Variants in LY75 observed in about 807,000 individuals in gnomAD.
The protein encoded by LY75 is lymphocyte antigen 75, also known as C-type lectin domain family 13 member B.
In LY75, 185 loss-of-function variants were observed where a neutral mutation model predicts 231.7. The observed-to-expected ratio is 0.80, with a 90% CI of 0.71 to 0.90. The LOEUF (loss-of-function observed/expected upper bound fraction) is 0.90. Ranked by LOEUF, LY75 falls within the 40% of genes least tolerant of loss-of-function variation. LY75 has a pLI of 0.00. For missense variants in LY75, 1,947 were observed against 2,050.2 expected (o/e 0.95, Z 0.97); for synonymous variants, 668 against 689.0 (o/e 0.97, Z 0.48).
chr2:159,876,900 T>C (rs897330767), intron 11 of LY75, among the ~76,000 whole-genome samples: 1 of 149,344 alleles, frequency 6.7e-6, no homozygotes, highest in African/African-American at 2.5e-5. Flanking sequence ...TCCCAGCTAC[T>C]TGGGAGGCTG....
rs1477197052 is a variant in LY75, at chr2:159,819,936, T to TTG, written c.3959-17_3959-16insCA. The TTG allele has an allele frequency of 6.3e-7, 1 of 1,577,336 alleles. No individual in the cohort carries two copies. The highest frequency in any genetic ancestry group is 8.6e-7 in the Non-Finnish European group (1 of 1,166,640). On this transcript the variant is annotated splice_polypyrimidine_tract_variant and intron_variant, in intron 28 of 34. Coordinates refer to ENST00000263636, the MANE Select transcript of LY75 (RefSeq NM_002349.4). ...AGAGACTTATCTAGAGAAGAAACATTTTTTCCTATGCTTAGAGATTAAATC... is the reference window on the plus strand; with the variant it reads ...AGAGACTTATCTAGAGAAGAAACATTTGTTTTCCTATGCTTAGAGATTAAATC...
chr2:159,858,534 C>G (rs1684609730), intron 15 of LY75, 58 bp from the exon 16 acceptor site: 14 of 1,539,798 alleles, frequency 9.1e-6, no homozygotes, highest in Non-Finnish European at 1.2e-5. Flanking sequence ...TTATGGAACA[C>G]TAAACTGTAA....
rs748844651 is a variant in LY75, at chr2:159,881,109, G to T, written c.1378C>A (p.Pro460Thr). The change falls in exon 8 of 35, where the codon CCC (proline) becomes ACC (threonine). Residue 460 changes from proline to threonine, a missense_variant. Transcript: ENST00000263636. The stretch of plus-strand genomic sequence containing the variant: ...TCTCCTAAGTAGGAAACACAGTTGG[G>T]CGTCTTATTGTAGGGAACATTTGGC... ...NEPNVPYNKTPNCVSYLGELG... is the reference protein window; with the variant it reads ...NEPNVPYNKTTNCVSYLGELG... The T allele has an allele frequency of 6.2e-7, 1 of 1,613,776 alleles. No individual in the cohort carries two copies. Among genetic ancestry groups the T allele is most frequent in the Non-Finnish European group, 8.5e-7 (1 of 1,179,850 alleles).
intron 24 of LY75, 85 bp downstream of exon 24, chr2:159,842,160 C>A: frequency 6.8e-7 from 1 of 1,475,414 alleles, no homozygotes; most frequent in Non-Finnish European, 9.0e-7. Context: ...TCCCCTCCCT[C>A]CCTATAGAAA....
intron 31 of LY75, 28 bp from the exon 32 acceptor site, chr2:159,810,703 C>A (rs1375470627): frequency 1.3e-6 from 2 of 1,597,442 alleles, no homozygotes; most frequent in Admixed American, 1.8e-5. Context: ...ACAGTTGTAA[C>A]AATGCATGGA....
At chr2:159,814,113 T>C (rs1001364715) in intron 31 of LY75, 2 of 152,188 alleles carry the variant, frequency 1.3e-5, no homozygotes, top group African/African-American at 4.8e-5. Context: ...ATGGTGAGCA[T>C]TGAGAACCAG....
At chr2:159,890,516 C>T in intron 3 of LY75, 139 bp from the exon 4 acceptor site, 1 of 1,193,890 alleles carries the variant, frequency 8.4e-7, no homozygotes. Context: ...TCATTTAGAC[C>T]ATATTTTGAT....
intron 16 of LY75, among the ~76,000 whole-genome samples, chr2:159,857,517 C>T (rs1684582159): frequency 6.6e-6 from 1 of 152,034 alleles, no homozygotes; most frequent in South Asian, 2.1e-4. Context: ...TGAGGCGGGC[C>T]AATCACCTGA....
intron 13 of LY75, among the ~76,000 whole-genome samples, chr2:159,868,500 T>C (rs1574573106): frequency 1.3e-5 from 2 of 152,340 alleles, no homozygotes; most frequent in East Asian, 3.9e-4. Context: ...CTCATTTTTA[T>C]ATTTTCCAAA....
chr2:159,893,318 A>G (rs978956128), intron 3 of LY75, among the ~76,000 whole-genome samples: 1 of 151,512 alleles, frequency 6.6e-6, no homozygotes, highest in African/African-American at 2.4e-5. Flanking sequence ...TGACCAATCC[A>G]CTCTTCGGTT....
Position 159,815,125 on chromosome 2 carries a change from T to C in LY75, c.4549+280A>G, listed in dbSNP as rs375009319. Among the ~76,000 whole-genome samples, 38 of 151,896 alleles carry C rather than the reference T, an allele frequency of 2.5e-4. No individual in the cohort carries two copies. In the East Asian group the frequency reaches 3.3e-3, roughly 13 times the overall value. ...ACGCCATTCTCCCGCCTCAGCCTCCTGACTAGCTGGGACTACAGGCGCCCG... is the reference window on the plus strand; with the variant it reads ...ACGCCATTCTCCCGCCTCAGCCTCCCGACTAGCTGGGACTACAGGCGCCCG... On this transcript the variant is annotated intron_variant, in intron 31 of 34. Transcript: ENST00000263636.
At chr2:159,836,472 T>C (rs1370998051) in intron 25 of LY75, among the ~76,000 whole-genome samples, 1 of 152,172 alleles carries the variant, frequency 6.6e-6, no homozygotes, top group Non-Finnish European at 1.5e-5. Flanking sequence ...AGGAGATGGA[T>C]TGTGGGGTAC....
rs1416177170 is a variant in LY75 at position 159,904,742 on chromosome 2, T to A, written c.-60A>T. On this transcript the variant is annotated 5_prime_UTR_variant, in exon 1 of 35. Transcript: ENST00000263636. ...GGGCGCACGCGGCTCCCGCCCCGCCTGCTGAGCGCGGCCTGCCCCGCCCGC... is the reference window on the plus strand; with the variant it reads ...GGGCGCACGCGGCTCCCGCCCCGCCAGCTGAGCGCGGCCTGCCCCGCCCGC... 2.2e-6 allele frequency: 3 copies of A among 1,352,956 alleles called. No homozygotes were observed. The highest frequency in any genetic ancestry group is 2.8e-6 in the Non-Finnish European group (3 of 1,055,810). 83.8% of individuals were successfully genotyped at this position (1,352,956 alleles called of 1,614,324 possible).
chr2:159,853,148 A>C, intron 20 of LY75, 125 bp downstream of exon 20: 1 of 990,118 alleles, frequency 1.0e-6, no homozygotes, highest in Non-Finnish European at 1.5e-6. Context: ...TGTTGCTAAT[A>C]ATAAATCAGA....
chr2:159,842,185 C>CTA (rs1280109685), intron 24 of LY75, 60 bp downstream of exon 24: 236 of 1,528,420 alleles, frequency 1.5e-4, no homozygotes, highest in East Asian at 1.2e-3. Flanking sequence ...CTCTCTCTCT[C>CTA]TCTATATATA....
At chr2:159,836,305 T>C (rs1210309024) in intron 25 of LY75, among the ~76,000 whole-genome samples, 1 of 152,182 alleles carries the variant, frequency 6.6e-6, no homozygotes, top group Non-Finnish European at 1.5e-5. Flanking sequence ...GGTGGTTCCC[T>C]TCCTCTGAAC....
At chr2:159,825,900 A>G (rs1158039948) in intron 28 of LY75, among the ~76,000 whole-genome samples, 1 of 152,204 alleles carries the variant, frequency 6.6e-6, no homozygotes, top group Non-Finnish European at 1.5e-5. Flanking sequence ...CTTCGACAAA[A>G]TTCAACACCC....
rs760622417 is a variant in LY75 at position 159,890,249 on chromosome 2, T to C, written c.766A>G (p.Ser256Gly). 9.9e-6 allele frequency: 16 copies of C among 1,613,312 alleles called. No homozygotes were observed. Among genetic ancestry groups the C allele is most frequent in the Non-Finnish European group, 1.3e-5 (15 of 1,179,656 alleles). Residue 256 changes from serine (S) to glycine (G), a missense_variant, in exon 4 of 35, where the codon AGC becomes GGC. Transcript: ENST00000263636. ...SCQNQGADLL[S>G]INSAAELTYL... ...GTTAATTCAGCAGCACTGTTGATGC[T>C]CAGTAAATCAGCTCCTTGATTCTGA... is the stretch of plus-strand genomic sequence containing the variant.
At chr2:159,856,387 T>C (rs1484997330) in intron 16 of LY75, among the ~76,000 whole-genome samples, 1 of 152,148 alleles carries the variant, frequency 6.6e-6, no homozygotes, top group Non-Finnish European at 1.5e-5. Context: ...GAGGATTAAT[T>C]AGAACCAAGT....
Sources: gnomAD v4.1 joint callset for allele counts (sites outside exome capture counted in the v4.1 genomes callset) on GRCh38, gnomAD v4.1.1 for gene constraint, MANE v1.5 for transcripts, NCBI Gene and HGNC (gene_info 2026-07-23, HGNC 2026-07-21) for gene names.